Variants in ZBBX observed in about 807,000 individuals in gnomAD.
ZBBX encodes the protein zinc finger B-box domain-containing protein 1.
A neutral mutation model predicts 108.5 loss-of-function variants in ZBBX; 101 were observed. That is an observed-to-expected ratio of 0.93 (90% CI 0.79 to 1.10). ZBBX has a LOEUF of 1.10. Ranked by LOEUF, ZBBX falls within the 50% of genes least tolerant of loss-of-function variation. The probability of loss-of-function intolerance (pLI) is 0.00; values close to 1 mark genes in which losing one functional copy is unlikely to be tolerated. For missense variants in ZBBX, 1,009 were observed against 941.4 expected (o/e 1.07, Z -0.94); for synonymous variants, 356 against 323.4 (o/e 1.10, Z -1.08).
At chr3:167,181,051 T>C in the ZBBX span, among the ~76,000 whole-genome samples, 1 of 152,216 alleles carries the variant, frequency 6.6e-6, no homozygotes, top group Non-Finnish European at 1.5e-5. Context: ...TTAGTGGCTA[T>C]TGTTCTATCC....
At chr3:167,240,976 A>G in intron 21 of ZBBX, 57 bp from the exon 22 acceptor site, 18 of 1,586,166 alleles carry the variant, frequency 1.1e-5, no homozygotes, top group Non-Finnish European at 1.5e-5. Context: ...TCAACTCTTC[A>G]TTTATCTTCT....
the ZBBX span, among the ~76,000 whole-genome samples, chr3:167,216,183 T>G: frequency 6.6e-6 from 1 of 152,076 alleles, no homozygotes; most frequent in Admixed American, 6.6e-5. Flanking sequence ...GAAGTCAAAC[T>G]ATCTCTGTTT....
intron 1 of ZBBX, among the ~76,000 whole-genome samples, chr3:167,386,442 A>G (rs1160534732): frequency 6.6e-6 from 1 of 152,102 alleles, no homozygotes; most frequent in Non-Finnish European, 1.5e-5. Flanking sequence ...ATAGATTCCC[A>G]GAGAATTCTT....
intron 20 of ZBBX, among the ~76,000 whole-genome samples, chr3:167,257,057 C>G (rs891010232): frequency 5.9e-5 from 9 of 152,286 alleles, no homozygotes; most frequent in Admixed American, 4.6e-4. Context: ...AAACTGTTCT[C>G]CATAGTGTTT....
At chr3:167,370,843 G>GA (rs71632467) in intron 4 of ZBBX, among the ~76,000 whole-genome samples, 2 of 151,946 alleles carry the variant, frequency 1.3e-5, no homozygotes, top group East Asian at 1.9e-4. Flanking sequence ...TGCCTATATA[G>GA]AAAAAAAATT....
intron 18 of ZBBX, among the ~76,000 whole-genome samples, chr3:167,294,710 T>C (rs1265153410): frequency 2.0e-5 from 3 of 152,026 alleles, no homozygotes; most frequent in African/African-American, 7.2e-5. Flanking sequence ...CTAATTAAAC[T>C]AAAGGGCTTC....
chr3:167,213,955 A>G, the ZBBX span, among the ~76,000 whole-genome samples: 1 of 152,182 alleles, frequency 6.6e-6, no homozygotes. Context: ...AGTGAAGAAG[A>G]AATAAGATCC....
chr3:167,312,761 G>T (rs1465316804), intron 16 of ZBBX, among the ~76,000 whole-genome samples: 1 of 152,108 alleles, frequency 6.6e-6, no homozygotes, highest in Non-Finnish European at 1.5e-5. Flanking sequence ...TTCCCATGTG[G>T]CTGTACTTTA....
chr3:167,324,585 T>A (rs2108340915), intron 11 of ZBBX, among the ~76,000 whole-genome samples: 1 of 152,274 alleles, frequency 6.6e-6, no homozygotes. Context: ...TTTTCATTCC[T>A]AGGCACACCA....
At chr3:167,225,867 A>G in the ZBBX span, among the ~76,000 whole-genome samples, 2 of 151,654 alleles carry the variant, frequency 1.3e-5, no homozygotes, top group African/African-American at 4.8e-5. Context: ...TATTACTAAG[A>G]TCAGTTGCTT....
intron 20 of ZBBX, among the ~76,000 whole-genome samples, chr3:167,268,183 T>C (rs1725897166): frequency 6.6e-6 from 1 of 152,080 alleles, no homozygotes; most frequent in African/African-American, 2.4e-5. Flanking sequence ...CTCCCCTAAC[T>C]AGTTCACAAG....
chr3:167,276,638 G>A (rs563802060), intron 20 of ZBBX, among the ~76,000 whole-genome samples: 73 of 152,178 alleles, frequency 4.8e-4, no homozygotes, highest in Non-Finnish European at 8.7e-4. Context: ...TGAAAGTGAC[G>A]GGGAGAACGG....
rs188776926 is a variant in ZBBX at position 167,294,794 on chromosome 3, C to T, written c.1879+3511G>A. Reference sequence around the variant, plus strand: ...TGGAAGAAAATTTTGGCAATCCATCCATTGGACAAAGGGCTAATATTCAGA... The same window carrying T: ...TGGAAGAAAATTTTGGCAATCCATCTATTGGACAAAGGGCTAATATTCAGA... On this transcript the variant is annotated intron_variant, in intron 18 of 21. Coordinates refer to ENST00000675490, the MANE Select transcript of ZBBX (RefSeq NM_001199201.2). Among the ~76,000 whole-genome samples the T allele has an allele frequency of 1.9e-3, 288 of 152,110 alleles. 1 individual carries two copies. The highest frequency in any genetic ancestry group is 6.7e-3 in the African/African-American group (277 of 41,498).
At chr3:167,227,598 G>C in the ZBBX span, among the ~76,000 whole-genome samples, 315 of 151,606 alleles carry the variant, frequency 2.1e-3, no homozygotes, top group African/African-American at 7.1e-3. Flanking sequence ...TTTCATACGT[G>C]GTCACCTTTT....
chr3:167,223,887 G>T, the ZBBX span, among the ~76,000 whole-genome samples: 1 of 151,926 alleles, frequency 6.6e-6, no homozygotes, highest in Non-Finnish European at 1.5e-5. Context: ...AAAACAGAAT[G>T]ATTTCTCTAC....
intron 20 of ZBBX, among the ~76,000 whole-genome samples, chr3:167,247,979 C>G (rs1721883170): frequency 6.6e-6 from 1 of 152,164 alleles, no homozygotes; most frequent in Non-Finnish European, 1.5e-5. Context: ...TGGCTTTTAT[C>G]TCTTTCTTTA....
At chr3:167,261,827 T>C (rs937354172) in intron 20 of ZBBX, among the ~76,000 whole-genome samples, 47 of 142,924 alleles carry the variant, frequency 3.3e-4, no homozygotes, top group African/African-American at 1.1e-3. Flanking sequence ...GTTCTTCCCC[T>C]ACCTGTGGAG....
the ZBBX span, among the ~76,000 whole-genome samples, chr3:167,215,924 C>T: frequency 7.2e-5 from 11 of 152,076 alleles, 1 homozygote; most frequent in Admixed American, 7.2e-4. Context: ...TGACAAAATT[C>T]AACATTGATT....
chr3:167,239,043 G>C (rs911255711), downstream of ZBBX, among the ~76,000 whole-genome samples: 1 of 151,924 alleles, frequency 6.6e-6, no homozygotes, highest in East Asian at 1.9e-4. Context: ...GAAAAACAGA[G>C]ATTTTCAAGA....
Sources: gnomAD v4.1 joint callset for allele counts (sites outside exome capture counted in the v4.1 genomes callset) on GRCh38, gnomAD v4.1.1 for gene constraint, MANE v1.5 for transcripts, NCBI Gene and HGNC (gene_info 2026-07-23, HGNC 2026-07-21) for gene names.